Variants in EDIL3 observed in about 807,000 individuals in gnomAD.
EDIL3 encodes the protein EGF like and discoidin domains 3, also known as EGF-like repeat and discoidin I-like domain-containing protein 3.
A neutral mutation model predicts 67.4 loss-of-function variants in EDIL3; 37 were observed. That is an observed-to-expected ratio of 0.55 (90% CI 0.42 to 0.72). EDIL3 has a LOEUF of 0.72. Ranked by LOEUF, EDIL3 falls within the 30% of genes least tolerant of loss-of-function variation. EDIL3 has a pLI of 0.00. For missense variants in EDIL3, 527 were observed against 586.3 expected, an observed-to-expected ratio of 0.90 and a Z score of 1.04; for synonymous variants, 195 against 196.3, an observed-to-expected ratio of 0.99 and a Z score of 0.05.
At position 84,115,435 on chromosome 5, in the gene EDIL3, T is replaced by A. The variant is rs1747648056; in HGVS notation, c.470-8605A>T. Reference sequence around the variant, plus strand: ...GCTAAACTATAATAAAAATTGTCTATTAATATTTCTCAAATTGATTTGTGA... The same window carrying A: ...GCTAAACTATAATAAAAATTGTCTAATAATATTTCTCAAATTGATTTGTGA... On this transcript the variant is annotated intron_variant, in intron 5 of 10. Coordinates refer to ENST00000296591, the MANE Select transcript of EDIL3 (RefSeq NM_005711.5). Among the ~76,000 whole-genome samples, 3 of 152,252 alleles carry A rather than the reference T, an allele frequency of 2.0e-5. No individual in the cohort carries two copies. The South Asian group carries it at 6.2e-4, about 31-fold the overall frequency.
intron 6 of EDIL3, among the ~76,000 whole-genome samples, chr5:84,086,968 G>T (rs1747085242): frequency 6.6e-6 from 1 of 151,894 alleles, no homozygotes; most frequent in Non-Finnish European, 1.5e-5. Context: ...GATACTCTCT[G>T]TTAAAAAAAA....
chr5:84,015,432 G>T (rs1745586033), intron 9 of EDIL3, among the ~76,000 whole-genome samples: 1 of 152,106 alleles, frequency 6.6e-6, no homozygotes, highest in African/African-American at 2.4e-5. Flanking sequence ...AAGTTTATTT[G>T]CTAGACATTG....
intron 3 of EDIL3, among the ~76,000 whole-genome samples, chr5:84,187,915 T>C (rs967464967): frequency 6.6e-6 from 1 of 152,038 alleles, no homozygotes; most frequent in Non-Finnish European, 1.5e-5. Context: ...AGGATAAAAA[T>C]CGTCTATGAG....
intron 2 of EDIL3, among the ~76,000 whole-genome samples, chr5:84,236,746 A>C (rs1386235362): frequency 6.6e-6 from 1 of 152,034 alleles, no homozygotes; most frequent in African/African-American, 2.4e-5. Flanking sequence ...TAAATTGAGA[A>C]AATGAAGTCC....
chr5:84,340,113 T>C (rs954643358), intron 1 of EDIL3, among the ~76,000 whole-genome samples: 2 of 152,042 alleles, frequency 1.3e-5, no homozygotes, highest in African/African-American at 2.4e-5. Flanking sequence ...TCAAATATCA[T>C]GGCATAGGTA....
chr5:84,072,995 G>T (rs1746770285), intron 6 of EDIL3, among the ~76,000 whole-genome samples: 2 of 152,148 alleles, frequency 1.3e-5, no homozygotes, highest in African/African-American at 4.8e-5. Context: ...AAAGTTCACA[G>T]GAAGGTGACA....
intron 9 of EDIL3, among the ~76,000 whole-genome samples, chr5:84,039,338 C>T (rs1746078991): frequency 6.6e-6 from 1 of 152,072 alleles, no homozygotes; most frequent in African/African-American, 2.4e-5. Flanking sequence ...ATCTGTGGAT[C>T]CAAAGGATTC....
At chr5:84,346,430 G>C (rs1747241599) in intron 1 of EDIL3, among the ~76,000 whole-genome samples, 1 of 152,050 alleles carries the variant, frequency 6.6e-6, no homozygotes, top group South Asian at 2.1e-4. Context: ...TGGACTATGA[G>C]AGATGTTCAG....
intron 4 of EDIL3, among the ~76,000 whole-genome samples, chr5:84,141,952 G>GATCGATCTATCT (rs71605902): frequency 0.083 from 8,970 of 108,118 alleles, 473 homozygotes; most frequent in East Asian, 0.19. Context: ...TATATACATA[G>GATCGATCTATCT]ATCTATCTAT....
At chr5:84,339,441 C>T (rs1346216180) in intron 1 of EDIL3, among the ~76,000 whole-genome samples, 1 of 152,088 alleles carries the variant, frequency 6.6e-6, no homozygotes, top group African/African-American at 2.4e-5. Flanking sequence ...CTGTACCCAT[C>T]ATCCTGTATT....
chr5:84,011,048 T>C (rs17529787), intron 9 of EDIL3, among the ~76,000 whole-genome samples: 2,581 of 152,328 alleles, frequency 0.017, 36 homozygotes, highest in Non-Finnish European at 0.02. Context: ...GTACCATCTA[T>C]GCTCCAGTGA....
intron 1 of EDIL3, among the ~76,000 whole-genome samples, chr5:84,274,810 A>AAG (rs1745542981): frequency 7.6e-6 from 1 of 131,646 alleles, no homozygotes; most frequent in Admixed American, 7.8e-5. Context: ...CACACACACA[A>AAG]AGAGAGAAAG....
intron 5 of EDIL3, among the ~76,000 whole-genome samples, chr5:84,132,620 A>C (rs1748012998): frequency 8.3e-6 from 1 of 120,422 alleles, no homozygotes. Context: ...AAATATACAC[A>C]CAGTATATAT....
At chr5:84,116,734 T>C (rs1200239130) in intron 5 of EDIL3, among the ~76,000 whole-genome samples, 1 of 152,224 alleles carries the variant, frequency 6.6e-6, no homozygotes, top group Non-Finnish European at 1.5e-5. Context: ...ACTTTAAACA[T>C]AACAAATGTA....
rs1378985431 is a variant in EDIL3, at chr5:83,941,724, A to G, written c.*1695T>C. The G allele has an allele frequency of 6.6e-6, 1 of 152,058 alleles. No individual in the cohort carries two copies. Among genetic ancestry groups the G allele is most frequent in the African/African-American group, 2.4e-5 (1 of 41,458 alleles). The allele number at this position is 152,058 out of a possible 1,614,324, so 9.4% of individuals were successfully genotyped here. ...TCACCATTTCAGAGGCTTCAAATTC[A>G]TAATTTCATAATAAGAACAAGAAGT... is the stretch of plus-strand genomic sequence containing the variant. On this transcript the variant is annotated 3_prime_UTR_variant, in exon 11 of 11. Coordinates refer to ENST00000296591, the MANE Select transcript of EDIL3 (RefSeq NM_005711.5).
intron 7 of EDIL3, 61 bp from the exon 8 acceptor site, chr5:84,064,905 T>G: frequency 6.4e-7 from 1 of 1,554,992 alleles, no homozygotes; most frequent in Non-Finnish European, 8.7e-7. Flanking sequence ...TTTTACATAT[T>G]TACCCTATCT....
chr5:84,207,866 C>T (rs1273935141), intron 3 of EDIL3, among the ~76,000 whole-genome samples: 2 of 151,908 alleles, frequency 1.3e-5, no homozygotes, highest in Admixed American at 6.6e-5. Context: ...GAAACTGGAT[C>T]CCTTCCTTAC....
chr5:84,366,710 C>A (rs73146538), intron 1 of EDIL3, among the ~76,000 whole-genome samples: 21 of 152,110 alleles, frequency 1.4e-4, no homozygotes, highest in African/African-American at 4.6e-4. Flanking sequence ...ACGAAAGACT[C>A]TAGAAACAGT....
intron 1 of EDIL3, among the ~76,000 whole-genome samples, chr5:84,370,881 G>C (rs573814275): frequency 1.3e-4 from 19 of 151,982 alleles, no homozygotes; most frequent in Non-Finnish European, 2.8e-4. Context: ...CATTTTTAAC[G>C]ATAAAAAGAT....
Sources: allele counts gnomAD v4.1 joint callset (sites outside exome capture counted in the v4.1 genomes callset), GRCh38; gene constraint gnomAD v4.1.1; transcripts MANE v1.5; gene names NCBI Gene and HGNC (gene_info 2026-07-23, HGNC 2026-07-21).